The following SNX14 variants were observed in gnomAD, a reference collection of about 807,000 sequenced individuals.
SNX14 encodes sorting nexin-14.
SNX14 carries 93 observed loss-of-function variants against 133.8 expected under a neutral mutation model. That is an observed-to-expected ratio of 0.70 (90% CI 0.59 to 0.83). The LOEUF is 0.83. Among genes scored for constraint, SNX14 ranks in the 40% least tolerant of loss-of-function variants. The probability of loss-of-function intolerance (pLI) is 0.00; values close to 1 mark genes in which losing one functional copy is unlikely to be tolerated. For missense variants in SNX14, 945 were observed against 1,094.9 expected (o/e 0.86, Z 1.93); for synonymous variants, 368 against 365.6 (o/e 1.01, Z -0.07).
At chr6:85,524,071 A>C (rs71570763) in intron 21 of SNX14, among the ~76,000 whole-genome samples, 13,942 of 151,856 alleles carry the variant, frequency 0.092, 1,065 homozygotes, top group East Asian at 0.22. Context: ...AGTCCCAGCT[A>C]CTAGGGAGGC....
chr6:85,524,610 C>A (rs541496462), intron 21 of SNX14, among the ~76,000 whole-genome samples: 1 of 151,990 alleles, frequency 6.6e-6, no homozygotes, highest in South Asian at 2.1e-4. Flanking sequence ...GGTGAAACCC[C>A]ATCTCTACTA....
intron 23 of SNX14, 60 bp downstream of exon 23, chr6:85,517,696 A>G: frequency 1.3e-6 from 2 of 1,520,154 alleles, no homozygotes; most frequent in East Asian, 2.3e-5. Flanking sequence ...CGACAATGAA[A>G]AAGTAATCTC....
chr6:85,555,100 A>T (rs1257943819), intron 7 of SNX14, among the ~76,000 whole-genome samples: 1 of 152,110 alleles, frequency 6.6e-6, no homozygotes, highest in Non-Finnish European at 1.5e-5. Context: ...GGGATTACCA[A>T]TGTGATATAT....
At chr6:85,540,870 A>G (rs1476720319) in intron 15 of SNX14, among the ~76,000 whole-genome samples, 3 of 152,150 alleles carry the variant, frequency 2.0e-5, no homozygotes, top group African/African-American at 7.2e-5. Context: ...TCAAATTGGA[A>G]GGTGTCTAGA....
intron 23 of SNX14, 124 bp downstream of exon 23, chr6:85,517,632 A>T (rs1775485382): frequency 7.8e-6 from 9 of 1,149,426 alleles, no homozygotes; most frequent in African/African-American, 1.6e-5. Flanking sequence ...ACTGATTTCC[A>T]CATAAAGGAA....
At chr6:85,573,059 C>T (rs781249062) in intron 2 of SNX14, among the ~76,000 whole-genome samples, 5 of 152,214 alleles carry the variant, frequency 3.3e-5, no homozygotes, top group Non-Finnish European at 5.9e-5. Flanking sequence ...GACAAAGGTA[C>T]GAGGTAACTA....
intron 1 of SNX14, among the ~76,000 whole-genome samples, chr6:85,582,058 C>T (rs1799210287): frequency 6.6e-6 from 1 of 151,916 alleles, no homozygotes; most frequent in Admixed American, 6.6e-5. Flanking sequence ...ATTAAACTCC[C>T]AAAGGTCAAG....
At chr6:85,515,262 CAAAA>C (rs751549621) in intron 23 of SNX14, among the ~76,000 whole-genome samples, 3 of 22,768 alleles carry the variant, frequency 1.3e-4, no homozygotes, top group East Asian at 1.5e-3. Context: ...GCAAGACCGT[CAAAA>C]AAAAAAAAAA....
intron 7 of SNX14, 87 bp downstream of exon 7, chr6:85,557,889 T>C: frequency 1.4e-6 from 1 of 737,220 alleles, no homozygotes; most frequent in Non-Finnish European, 2.4e-6. Context: ...TGTAAGTTAA[T>C]TAATCAGTAC....
chr6:85,506,581 G>T (rs956651743), intron 28 of SNX14, among the ~76,000 whole-genome samples: 1 of 152,198 alleles, frequency 6.6e-6, no homozygotes, highest in Admixed American at 6.5e-5. Context: ...CTCCCAAGGT[G>T]CTGGGATTAC....
At chr6:85,536,979 G>T in intron 16 of SNX14, 55 bp from the exon 17 acceptor site, 1 of 1,488,314 alleles carries the variant, frequency 6.7e-7, no homozygotes. Flanking sequence ...CAACAGTCTA[G>T]TTTATTGAAA....
At chr6:85,572,030 A>G (rs1302839004) in intron 4 of SNX14, 107 bp downstream of exon 4, 14 of 825,048 alleles carry the variant, frequency 1.7e-5, no homozygotes, top group East Asian at 8.0e-5. Context: ...GATTTAAGTG[A>G]CATGTATTAA....
chr6:85,508,362 C>T, intron 26 of SNX14: 1 of 960,934 alleles, frequency 1.0e-6, no homozygotes, highest in Non-Finnish European at 1.3e-6. Context: ...GAAAATAATA[C>T]TTATTGTATT....
At chr6:85,561,373 G>A (rs1791537860) in intron 6 of SNX14, 1 of 151,532 alleles carries the variant, frequency 6.6e-6, no homozygotes, top group African/African-American at 2.4e-5. Context: ...AAAGGGAAAA[G>A]GTTAACACAG....
intron 13 of SNX14, 64 bp from the exon 14 acceptor site, chr6:85,543,370 C>T (rs1784417495): frequency 3.6e-6 from 5 of 1,390,260 alleles, no homozygotes; most frequent in Non-Finnish European, 4.8e-6. Context: ...AGTTCTAAAA[C>T]GTTTTACTGA....
At chr6:85,544,033 T>C (rs942018898) in intron 12 of SNX14, among the ~76,000 whole-genome samples, 1 of 152,268 alleles carries the variant, frequency 6.6e-6, no homozygotes, top group Admixed American at 6.5e-5. Flanking sequence ...ACACTTCTAA[T>C]AGTTTCCTTA....
intron 21 of SNX14, among the ~76,000 whole-genome samples, chr6:85,523,981 G>A (rs954102718): frequency 6.6e-6 from 1 of 152,118 alleles, no homozygotes; most frequent in African/African-American, 2.4e-5. Flanking sequence ...TCAAGAGATC[G>A]AGACCATCCT....
chr6:85,528,311 T>G lies in SNX14; in HGVS notation c.1946A>C (p.Asn649Thr). The G allele has an allele frequency of 6.2e-7, 1 of 1,612,958 alleles. No individual in the cohort carries two copies. The highest frequency in any genetic ancestry group is 8.5e-7 in the Non-Finnish European group (1 of 1,179,386). The change falls in exon 20 of 29, where the codon AAT (asparagine) becomes ACT (threonine). Residue 649 changes from asparagine (N) to threonine (T), a missense_variant. Asn to Thr is a moderately conservative substitution (Grantham distance 65). Coordinates refer to ENST00000314673, the MANE Select transcript of SNX14 (RefSeq NM_153816.6). ...CCTCTTTGACTTTAAGAATTCATAATTTTTGGGGCCAATGATCCTCTTAGA... is the reference window on the plus strand; with the variant it reads ...CCTCTTTGACTTTAAGAATTCATAAGTTTTGGGGCCAATGATCCTCTTAGA... ...LPSKRIIGPK[N>T]YEFLKSKREE...
chr6:85,557,887 A>C, intron 7 of SNX14, 89 bp downstream of exon 7: 1 of 733,532 alleles, frequency 1.4e-6, no homozygotes, highest in Admixed American at 2.5e-5. Context: ...TATGTAAGTT[A>C]ATTAATCAGT....
Sources: allele counts gnomAD v4.1 joint callset (sites outside exome capture counted in the v4.1 genomes callset), GRCh38; gene constraint gnomAD v4.1.1; transcripts MANE v1.5; gene names NCBI Gene and HGNC (gene_info 2026-07-23, HGNC 2026-07-21).